Variants in MED13L observed in about 807,000 individuals in gnomAD.
MED13L encodes mediator of RNA polymerase II transcription subunit 13-like.
Under a neutral mutation model 220.9 loss-of-function variants are expected in MED13L, and 7 were observed. The observed-to-expected ratio is 0.03, with a 90% CI of 0.02 to 0.06. The LOEUF (loss-of-function observed/expected upper bound fraction) is 0.06, where lower values mean the gene tolerates loss of function less well. Among genes scored for constraint, MED13L ranks in the 10% least tolerant of loss-of-function variants. The pLI is 1.00. For missense variants in MED13L, 1,965 were observed against 2,760.5 expected (o/e 0.71, Z 6.46); for synonymous variants, 1,011 against 1,015.2 (o/e 1.00, Z 0.08).
intron 2 of MED13L, among the ~76,000 whole-genome samples, chr12:116,138,208 G>C (rs1876747469): frequency 6.6e-6 from 1 of 152,160 alleles, no homozygotes; most frequent in African/African-American, 2.4e-5. Context: ...TTAAAATCTA[G>C]AAGGATCTAA....
chr12:116,148,628 TATAC>T (rs747529265), intron 2 of MED13L: 40 of 184,660 alleles, frequency 2.2e-4, no homozygotes, highest in Non-Finnish European at 2.0e-4. Flanking sequence ...TATATATATA[TATAC>T]GGAGCTAGAT....
At chr12:116,093,981 C>CAAA (rs1275478699) in intron 4 of MED13L, among the ~76,000 whole-genome samples, 1 of 152,034 alleles carries the variant, frequency 6.6e-6, no homozygotes, top group Admixed American at 6.6e-5. Flanking sequence ...ATTTTCAACT[C>CAAA]AATAATAATA....
At chr12:115,970,791 T>C in intron 26 of MED13L, 21 bp from the exon 27 acceptor site, 6 of 1,609,244 alleles carry the variant, frequency 3.7e-6, no homozygotes, top group Non-Finnish European at 5.1e-6. Context: ...AAAAATAGAA[T>C]TATATCAATC....
chr12:116,208,241 A>C (rs1452859304), intron 2 of MED13L, among the ~76,000 whole-genome samples: 1 of 152,156 alleles, frequency 6.6e-6, no homozygotes, highest in East Asian at 1.9e-4. Flanking sequence ...CTAAAAATAC[A>C]AAAAAATTAG....
intron 1 of MED13L, among the ~76,000 whole-genome samples, chr12:116,264,289 G>A (rs1199433674): frequency 2.6e-5 from 4 of 152,078 alleles, no homozygotes. Flanking sequence ...CCATTTCAAG[G>A]GGGCCTACTT....
intron 28 of MED13L, among the ~76,000 whole-genome samples, chr12:115,966,828 T>C (rs1210380292): frequency 6.6e-6 from 1 of 152,188 alleles, no homozygotes; most frequent in Non-Finnish European, 1.5e-5. Context: ...GCTTCATCAA[T>C]TGAAAATGTA....
intron 1 of MED13L, chr12:116,276,404 GAGAA>G: frequency 1.6e-6 from 2 of 1,284,622 alleles, no homozygotes; most frequent in South Asian, 1.2e-5. Context: ...CACAGGAGGA[GAGAA>G]AGAAGAAAAA....
chr12:116,198,107 C>T (rs1415454757), intron 2 of MED13L, among the ~76,000 whole-genome samples: 4 of 152,142 alleles, frequency 2.6e-5, no homozygotes, highest in Admixed American at 6.5e-5. Context: ...TCCTTCCACA[C>T]ACCAAGAACC....
At chr12:116,250,490 A>G (rs3956798) in intron 1 of MED13L, among the ~76,000 whole-genome samples, 110,177 of 151,356 alleles carry the variant, frequency 0.73, 41,727 homozygotes, top group East Asian at 1. Context: ...TCGGCCGGGC[A>G]TGGTGGCTCA....
At chr12:116,266,201 T>A (rs1189635770) in intron 1 of MED13L, among the ~76,000 whole-genome samples, 3 of 152,190 alleles carry the variant, frequency 2.0e-5, no homozygotes, top group African/African-American at 7.2e-5. Flanking sequence ...TCCCTTTTCA[T>A]CCCATTGGAT....
At chr12:116,057,971 G>A (rs1429625952) in intron 4 of MED13L, among the ~76,000 whole-genome samples, 2 of 152,152 alleles carry the variant, frequency 1.3e-5, no homozygotes, top group South Asian at 2.1e-4. Context: ...AGGATCCAAC[G>A]TGTTATGTAC....
At chr12:115,976,667 C>G (rs2137247900) in intron 23 of MED13L, among the ~76,000 whole-genome samples, 1 of 152,154 alleles carries the variant, frequency 6.6e-6, no homozygotes, top group African/African-American at 2.4e-5. Flanking sequence ...TTTTAAAAAT[C>G]AAATCAACAG....
chr12:116,165,965 A>G (rs1316074749), intron 2 of MED13L, among the ~76,000 whole-genome samples: 1 of 152,102 alleles, frequency 6.6e-6, no homozygotes, highest in Non-Finnish European at 1.5e-5. Flanking sequence ...TCCTGCCACC[A>G]AGGGCTGCTG....
intron 2 of MED13L, among the ~76,000 whole-genome samples, chr12:116,213,880 A>G (rs1249721690): frequency 1.3e-5 from 2 of 152,228 alleles, no homozygotes; most frequent in Non-Finnish European, 2.9e-5. Context: ...GAAAAAGCTG[A>G]GAAATGCTTT....
intron 2 of MED13L, among the ~76,000 whole-genome samples, chr12:116,146,499 C>T (rs1176119092): frequency 1.3e-5 from 2 of 151,734 alleles, no homozygotes; most frequent in Non-Finnish European, 2.9e-5. Context: ...TATATGTGGC[C>T]CAAGACAATT....
chr12:116,068,476 TG>T (rs1870122951), intron 4 of MED13L, among the ~76,000 whole-genome samples: 1 of 152,178 alleles, frequency 6.6e-6, no homozygotes. Flanking sequence ...ATTTCCAAAA[TG>T]ATCAACTAAA....
intron 4 of MED13L, among the ~76,000 whole-genome samples, chr12:116,075,231 C>T (rs1216876760): frequency 6.6e-6 from 1 of 152,188 alleles, no homozygotes; most frequent in African/African-American, 2.4e-5. Context: ...ACTGTTCTAG[C>T]AGCTGCCCCT....
chr12:116,049,517 A>C (rs935570719), intron 4 of MED13L, among the ~76,000 whole-genome samples: 1 of 152,224 alleles, frequency 6.6e-6, no homozygotes, highest in African/African-American at 2.4e-5. Flanking sequence ...AAAGAAAAAA[A>C]TGATAGATGA....
chr12:116,252,389 A>C (rs74567024), intron 1 of MED13L, among the ~76,000 whole-genome samples: 1 of 152,046 alleles, frequency 6.6e-6, no homozygotes, highest in Non-Finnish European at 1.5e-5. Context: ...AAAAAAAAAA[A>C]TTAGCCAGGT....
Sources: allele counts gnomAD v4.1 joint callset (sites outside exome capture counted in the v4.1 genomes callset), GRCh38; gene constraint gnomAD v4.1.1; transcripts MANE v1.5; gene names NCBI Gene and HGNC (gene_info 2026-07-23, HGNC 2026-07-21).